Variants in ARMC7 observed in about 807,000 individuals in gnomAD.
ARMC7 encodes the protein armadillo repeat-containing protein 7.
Under a neutral mutation model 14.8 loss-of-function variants are expected in ARMC7, and 9 were observed. The observed-to-expected ratio is 0.61, with a 90% confidence interval of 0.37 to 1.06. ARMC7 has a LOEUF of 1.06. Among genes scored for constraint, ARMC7 ranks in the 50% least tolerant of loss-of-function variants. The pLI is 0.01. For missense variants in ARMC7, 262 were observed against 267.1 expected (o/e 0.98, Z 0.13); for synonymous variants, 125 against 123.4 (o/e 1.01, Z -0.09).
intron 2 of ARMC7, among the ~76,000 whole-genome samples, chr17:75,116,218 C>T (rs375577770): frequency 1.6e-4 from 24 of 152,312 alleles, no homozygotes; most frequent in African/African-American, 5.1e-4. Context: ...GCATGCCAGG[C>T]GCTTGCATCT....
chr17:75,124,743 A>T (rs1314964927), intron 2 of ARMC7, among the ~76,000 whole-genome samples: 1 of 152,196 alleles, frequency 6.6e-6, no homozygotes, highest in African/African-American at 2.4e-5. Flanking sequence ...GAGGGGCAGA[A>T]GGCTCCCATC....
chr17:75,120,081 T>G (rs1055543747), intron 2 of ARMC7, among the ~76,000 whole-genome samples: 2 of 152,044 alleles, frequency 1.3e-5, no homozygotes, highest in Non-Finnish European at 1.5e-5. Flanking sequence ...ATTTTTGTAT[T>G]TTTAGTAGAG....
intron 2 of ARMC7, among the ~76,000 whole-genome samples, chr17:75,119,730 G>A (rs1294093788): frequency 6.6e-6 from 1 of 152,026 alleles, no homozygotes; most frequent in Non-Finnish European, 1.5e-5. Flanking sequence ...CAAAGTGCTA[G>A]GATTACAGGC....
intron 2 of ARMC7, 124 bp downstream of exon 2, chr17:75,110,730 A>G: frequency 7.6e-7 from 1 of 1,311,958 alleles, no homozygotes; most frequent in Non-Finnish European, 1.0e-6. Flanking sequence ...TGGGAAGCTA[A>G]GGCGGGCGGA....
chr17:75,117,160 T>G (rs1222787112), intron 2 of ARMC7, among the ~76,000 whole-genome samples: 1 of 152,160 alleles, frequency 6.6e-6, no homozygotes, highest in South Asian at 2.1e-4. Context: ...CACTGCAACC[T>G]CCGCCTACCT....
At chr17:75,122,666 C>CT (rs969647484) in intron 2 of ARMC7, among the ~76,000 whole-genome samples, 1 of 152,014 alleles carries the variant, frequency 6.6e-6, no homozygotes, top group Non-Finnish European at 1.5e-5. Flanking sequence ...CTGGCCCTGG[C>CT]TTTTTTAATT....
chr17:75,128,915 C>G lies in ARMC7; in HGVS notation c.474C>G (p.Asn158Lys). 1 of 1,609,584 alleles carries G rather than the reference C, an allele frequency of 6.2e-7. No homozygotes were observed. The highest frequency in any genetic ancestry group is 1.3e-5 in the African/African-American group (1 of 75,052). Residue 158 changes from asparagine (N) to lysine (K), a missense_variant, in exon 3 of 3, where the codon AAC becomes AAG. Asn to Lys is a moderately conservative substitution (Grantham distance 94). Transcript: ENST00000245543. The stretch of plus-strand genomic sequence containing the variant: ...TCTCGGCCAGCGCCAGGCTCCGGAA[C>G]CTGGCACAGATCTTCCTGGAGGACT... ...FSLSASARLRNLAQIFLEDFC... is the reference protein window; with the variant it reads ...FSLSASARLRKLAQIFLEDFC...
Position 75,110,323 on chromosome 17 carries a change from G to A in ARMC7, c.35G>A (p.Gly12Glu), listed in dbSNP as rs200063152. The part of the protein sequence containing the change: ...AQKPKVDPHV[G>E]RLGYLQALVT... ...AAGCCGAAGGTGGACCCCCACGTCG[G>A]GCGGCTGGGATACCTGCAGGCGCTG... is the stretch of plus-strand genomic sequence containing the variant. Residue 12 changes from glycine to glutamate, a missense_variant, in exon 1 of 3, where the codon GGG (glycine) becomes GAG (glutamate). Coordinates refer to ENST00000245543, the MANE Select transcript of ARMC7 (RefSeq NM_024585.4). 85 of 1,613,526 alleles carry A rather than the reference G, an allele frequency of 5.3e-5. No individual in the cohort carries two copies. The highest frequency in any genetic ancestry group is 6.3e-5 in the Non-Finnish European group (74 of 1,180,026).
intron 2 of ARMC7, among the ~76,000 whole-genome samples, chr17:75,111,472 G>T (rs1219332526): frequency 4.6e-5 from 7 of 151,592 alleles, no homozygotes; most frequent in Non-Finnish European, 1.0e-4. Flanking sequence ...AGGCGGGTGA[G>T]GTGGCTCACA....
intron 2 of ARMC7, among the ~76,000 whole-genome samples, chr17:75,113,278 C>T (rs922184266): frequency 6.6e-6 from 1 of 151,502 alleles, no homozygotes; most frequent in African/African-American, 2.4e-5. Context: ...CCCGCCTCAG[C>T]CTCCCAAAGT....
Position 75,110,222 on chromosome 17 carries a change from C to G in ARMC7, c.-67C>G. ...AGGTGGAGAGCGGGTGAGGGTCTCG[C>G]TCGGCTTTCCCCCTGCACCTTTCCC... On this transcript the variant is annotated 5_prime_UTR_variant, in exon 1 of 3. Coordinates refer to ENST00000245543, the MANE Select transcript of ARMC7 (RefSeq NM_024585.4). The G allele has an allele frequency of 2.1e-6, 3 of 1,453,014 alleles. No homozygotes were observed. The highest frequency in any genetic ancestry group is 2.8e-6 in the Non-Finnish European group (3 of 1,088,312). The allele number at this position is 1,453,014 out of a possible 1,614,324, so 90.0% of individuals were successfully genotyped here. A position where few individuals can be genotyped will look rare whatever the true frequency, so the allele number is the denominator to read the frequency against.
intron 2 of ARMC7, among the ~76,000 whole-genome samples, chr17:75,122,464 C>A (rs1395733343): frequency 6.6e-6 from 1 of 151,808 alleles, no homozygotes; most frequent in African/African-American, 2.4e-5. Flanking sequence ...TGGGTTCAAG[C>A]GATTCTCCTG....
chr17:75,125,805 C>G (rs1227580242), intron 2 of ARMC7, among the ~76,000 whole-genome samples: 6 of 152,152 alleles, frequency 3.9e-5, no homozygotes, highest in Non-Finnish European at 8.8e-5. Context: ...GATCGCGCCA[C>G]TTCACTCCAG....
At chr17:75,115,869 C>T (rs981517131) in intron 2 of ARMC7, among the ~76,000 whole-genome samples, 1 of 152,176 alleles carries the variant, frequency 6.6e-6, no homozygotes, top group Admixed American at 6.6e-5. Flanking sequence ...TTAAATGAAA[C>T]ACCACAGTGC....
rs1370820213 is a variant in ARMC7 at position 75,129,404 on chromosome 17, C to A, written c.*366C>A. ...GCCTGAGGCTTAGGAGAGCTGCCTT[C>A]GCTGCAGGAAATCAGGGATTATCCC... On this transcript the variant is annotated 3_prime_UTR_variant, in exon 3 of 3. Transcript: ENST00000245543. 4 of 277,896 alleles carry A rather than the reference C, an allele frequency of 1.4e-5. No homozygotes were observed. Among genetic ancestry groups the A allele is most frequent in the Non-Finnish European group, 2.7e-5 (4 of 147,994 alleles). The allele number at this position is 277,896 out of a possible 1,614,324, so 17.2% of individuals were successfully genotyped here.
chr17:75,121,122 T>A (rs2145128535), intron 2 of ARMC7, among the ~76,000 whole-genome samples: 1 of 152,320 alleles, frequency 6.6e-6, no homozygotes, highest in South Asian at 2.1e-4. Flanking sequence ...GTTTTTCAGA[T>A]TCATCCAAAT....
chr17:75,126,788 C>G (rs1252172778), intron 2 of ARMC7, among the ~76,000 whole-genome samples: 1 of 152,080 alleles, frequency 6.6e-6, no homozygotes, highest in African/African-American at 2.4e-5. Flanking sequence ...GGGCGGGGCA[C>G]AGTGGCTCAT....
At chr17:75,120,580 C>T (rs377607866) in intron 2 of ARMC7, among the ~76,000 whole-genome samples, 4 of 152,020 alleles carry the variant, frequency 2.6e-5, no homozygotes, top group South Asian at 2.1e-4. Context: ...TTTGGGAGGC[C>T]GAGGCGGGCG....
intron 2 of ARMC7, among the ~76,000 whole-genome samples, chr17:75,113,934 C>G (rs939136990): frequency 6.6e-6 from 1 of 152,166 alleles, no homozygotes; most frequent in African/African-American, 2.4e-5. Context: ...GGGCCTGGAG[C>G]TCCAGGTGCA....
Sources: gnomAD v4.1 joint callset for allele counts (sites outside exome capture counted in the v4.1 genomes callset) on GRCh38, gnomAD v4.1.1 for gene constraint, MANE v1.5 for transcripts, NCBI Gene and HGNC (gene_info 2026-07-23, HGNC 2026-07-21) for gene names.